Variants in KCNQ1OT1 observed in about 807,000 individuals in gnomAD.
KCNQ1OT1 encodes the protein KCNQ1 antisense RNA 2 (non-protein coding).
Position 2,658,307 on chromosome 11 carries a change from G to A in KCNQ1OT1, n.41688C>T, listed in dbSNP as rs1266958174. On this transcript the variant is annotated non_coding_transcript_exon_variant, in exon 1 of 1. Coordinates refer to ENST00000597346, the Ensembl canonical transcript of KCNQ1OT1. The surrounding 1 kb of genome is among the most constrained non-coding windows in gnomAD (Gnocchi z 4.9). ...TTTTTATTTGGAATTCCTTTATAAG[G>A]AAGATTTGTCCCTCTCCTCCAATTG... The A allele has an allele frequency of 2.5e-6, 1 of 398,330 alleles. No homozygotes were observed. Among genetic ancestry groups the A allele is most frequent in the Non-Finnish European group, 4.4e-6 (1 of 226,034 alleles). 24.7% of individuals were successfully genotyped at this position (398,330 alleles called of 1,614,324 possible). A position where few individuals can be genotyped will look rare whatever the true frequency, so the allele number is the denominator to read the frequency against.
chr11:2,616,958 G>C (rs1234328941), exon 1 of KCNQ1OT1: 2 of 353,432 alleles, frequency 5.7e-6, no homozygotes, highest in East Asian at 8.0e-5. Flanking sequence ...ACATTATCTT[G>C]TTGTGTTTTT....
chr11:2,625,984 T>A (rs1380899180), exon 1 of KCNQ1OT1: 1 of 398,544 alleles, frequency 2.5e-6, no homozygotes, highest in Non-Finnish European at 4.4e-6. Flanking sequence ...TCTCCCATTC[T>A]GTAGGTTGTC....
Position 2,610,716 on chromosome 11 carries a change from CTTTTTTTTT to C in KCNQ1OT1, n.89270_89278del, listed in dbSNP as rs1167505141. The C allele has an allele frequency of 4.5e-3, 1,036 of 230,054 alleles. 2 individuals are homozygous for C. The highest frequency in any genetic ancestry group is 0.015 in the East Asian group (250 of 16,570). 14.3% of individuals were successfully genotyped at this position (230,054 alleles called of 1,614,324 possible). A position where few individuals can be genotyped will look rare whatever the true frequency, so the allele number is the denominator to read the frequency against. On this transcript the variant is annotated non_coding_transcript_exon_variant, in exon 1 of 1. Coordinates refer to ENST00000597346, the Ensembl canonical transcript of KCNQ1OT1. ...TTCTGGACACAGTATTCTTGGTTGG[CTTTTTTTTT>C]TTTTTTTTTTTTTTTTTTTTACTTT... is the stretch of plus-strand genomic sequence containing the variant.
chr11:2,624,817 A>G lies in KCNQ1OT1; in HGVS notation n.75178T>C. ...CTGATTTGACTATTCTACATACCTCATATAAGTGGAAACATACAGTACTTC... is the reference window on the plus strand; with the variant it reads ...CTGATTTGACTATTCTACATACCTCGTATAAGTGGAAACATACAGTACTTC... On this transcript the variant is annotated non_coding_transcript_exon_variant, in exon 1 of 1. Coordinates refer to ENST00000597346, the Ensembl canonical transcript of KCNQ1OT1. The surrounding 1 kb of genome is among the most constrained non-coding windows in gnomAD (Gnocchi z 4.9). 2.5e-6 allele frequency: 1 copy of G among 398,552 alleles called. No homozygotes were observed. The highest frequency in any genetic ancestry group is 4.4e-6 in the Non-Finnish European group (1 of 226,030). The allele number at this position is 398,552 out of a possible 1,614,324, so 24.7% of individuals were successfully genotyped here.
Position 2,658,081 on chromosome 11 carries a change from G to T in KCNQ1OT1, n.41914C>A, listed in dbSNP as rs560023508. ...CACACTCAAGGTGGGGAAGGGAGGG[G>T]TTCAACTCTACCTCCTGCAGGAGAG... On this transcript the variant is annotated non_coding_transcript_exon_variant, in exon 1 of 1. Transcript: ENST00000597346. The surrounding 1 kb of genome is among the most constrained non-coding windows in gnomAD (Gnocchi z 4.9). 95 of 398,524 alleles carry T rather than the reference G, an allele frequency of 2.4e-4. No individual in the cohort carries two copies. The South Asian group carries it at 7.6e-3, about 32-fold the overall frequency. The allele number at this position is 398,524 out of a possible 1,614,324, so 24.7% of individuals were successfully genotyped here.
chr11:2,677,593 C>T lies in KCNQ1OT1; in HGVS notation n.22402G>A, dbSNP rs1850315840. The stretch of plus-strand genomic sequence containing the variant: ...TGCTTTACAAAAGACAAACCAAAAT[C>T]CCCTCTGGATTTGTTTTTTTCTAAA... On this transcript the variant is annotated non_coding_transcript_exon_variant, in exon 1 of 1. Coordinates refer to ENST00000597346, the Ensembl canonical transcript of KCNQ1OT1. The surrounding 1 kb of genome is among the most constrained non-coding windows in gnomAD (Gnocchi z 4.5). The T allele has an allele frequency of 2.5e-6, 1 of 398,568 alleles. No individual in the cohort carries two copies. The highest frequency in any genetic ancestry group is 4.4e-6 in the Non-Finnish European group (1 of 226,058). The allele number at this position is 398,568 out of a possible 1,614,324, so 24.7% of individuals were successfully genotyped here.
At chr11:2,660,667 T>C (rs1408074083) in exon 1 of KCNQ1OT1, 5 of 398,546 alleles carry the variant, frequency 1.3e-5, no homozygotes, top group Non-Finnish European at 2.2e-5. Context: ...TCAGTTTTCA[T>C]CCATGCTTGA....
chr11:2,609,494 A>G lies in KCNQ1OT1; in HGVS notation n.90501T>C, dbSNP rs566148304. ...TGCACTTGAAAATACTGTATATTCAATGTTGGTTGTTGGGCGAAGTGCTCT... is the reference window on the plus strand; with the variant it reads ...TGCACTTGAAAATACTGTATATTCAGTGTTGGTTGTTGGGCGAAGTGCTCT... On this transcript the variant is annotated non_coding_transcript_exon_variant, in exon 1 of 1. Transcript: ENST00000597346. 4.3e-4 allele frequency: 173 copies of G among 398,220 alleles called. No homozygotes were observed. Among genetic ancestry groups the G allele is most frequent in the Admixed American group, 6.6e-4 (15 of 22,718 alleles). The allele number at this position is 398,220 out of a possible 1,614,324, so 24.7% of individuals were successfully genotyped here.
In KCNQ1OT1 at chr11:2,677,846, C is replaced by G; in HGVS notation, n.22149G>C. The G allele has an allele frequency of 2.5e-6, 1 of 398,490 alleles. No homozygotes were observed. Among genetic ancestry groups the G allele is most frequent in the Non-Finnish European group, 4.4e-6 (1 of 226,028 alleles). The allele number at this position is 398,490 out of a possible 1,614,324, so 24.7% of individuals were successfully genotyped here. A position where few individuals can be genotyped will look rare whatever the true frequency, so the allele number is the denominator to read the frequency against. ...TAGATACTGCCAAATAAGGGCTGTACCATTTACATCACTTTGACTGCACAA... is the reference window on the plus strand; with the variant it reads ...TAGATACTGCCAAATAAGGGCTGTAGCATTTACATCACTTTGACTGCACAA... On this transcript the variant is annotated non_coding_transcript_exon_variant, in exon 1 of 1. Transcript: ENST00000597346. This position sits in a 1 kb window ranked among gnomAD's most constrained non-coding sequence, Gnocchi z 4.5.
At position 2,660,389 on chromosome 11, in the gene KCNQ1OT1, T is replaced by A. The variant is rs1047841136; in HGVS notation, n.39606A>T. Reference sequence around the variant, plus strand: ...TTACGCTGATGTGGGAAAACCTTCCTTTTTTATAAAGCAAAAGATGTATCA... The same window carrying A: ...TTACGCTGATGTGGGAAAACCTTCCATTTTTATAAAGCAAAAGATGTATCA... On this transcript the variant is annotated non_coding_transcript_exon_variant, in exon 1 of 1. Coordinates refer to ENST00000597346, the Ensembl canonical transcript of KCNQ1OT1. The A allele has an allele frequency of 3.3e-3, 1,299 of 398,574 alleles. 2 individuals carry two copies. Among genetic ancestry groups the A allele is most frequent in the Non-Finnish European group, 4.9e-3 (1,105 of 226,040 alleles). The allele number at this position is 398,574 out of a possible 1,614,324, so 24.7% of individuals were successfully genotyped here. A position where few individuals can be genotyped will look rare whatever the true frequency, so the allele number is the denominator to read the frequency against.
chr11:2,694,042 A>C, exon 1 of KCNQ1OT1: 1 of 398,718 alleles, frequency 2.5e-6, no homozygotes, highest in South Asian at 1.3e-4. Flanking sequence ...CCCATGCCAT[A>C]GATGGCTGAG....
exon 1 of KCNQ1OT1, chr11:2,640,942 C>T (rs1564842313): frequency 2.5e-6 from 1 of 398,898 alleles, no homozygotes; most frequent in African/African-American, 2.1e-5. Context: ...CTTTCTGTGC[C>T]TGGCTTAAAA....
rs1167505141 is a variant in KCNQ1OT1, at chr11:2,610,716, C to CTTTTTT, written n.89273_89278dup. The CTTTTTT allele has an allele frequency of 7.8e-4, 180 of 230,098 alleles. 2 individuals are homozygous for CTTTTTT. The highest frequency in any genetic ancestry group is 1.6e-3 in the African/African-American group (34 of 21,570). The allele number at this position is 230,098 out of a possible 1,614,324, so 14.3% of individuals were successfully genotyped here. On this transcript the variant is annotated non_coding_transcript_exon_variant, in exon 1 of 1. Transcript: ENST00000597346. ...TTCTGGACACAGTATTCTTGGTTGG[C>CTTTTTT]TTTTTTTTTTTTTTTTTTTTTTTTT...
exon 1 of KCNQ1OT1, chr11:2,632,313 C>T (rs1849372453): frequency 2.5e-6 from 1 of 397,864 alleles, no homozygotes; most frequent in South Asian, 1.3e-4. Context: ...ATGATCATAT[C>T]TATGAACAAA....
chr11:2,616,960 T>G lies in KCNQ1OT1; in HGVS notation n.83035A>C, dbSNP rs1020602324. On this transcript the variant is annotated non_coding_transcript_exon_variant, in exon 1 of 1. Coordinates refer to ENST00000597346, the Ensembl canonical transcript of KCNQ1OT1. ...TCTGTCTGGCTGTACATTATCTTGT[T>G]GTGTTTTTTTTTTTTAATTTTAAAA... The G allele has an allele frequency of 1.7e-4, 60 of 350,410 alleles. 1 individual carries two copies. The highest frequency in any genetic ancestry group is 1.0e-3 in the African/African-American group (37 of 36,812). The allele number at this position is 350,410 out of a possible 1,614,324, so 21.7% of individuals were successfully genotyped here.
In KCNQ1OT1 at chr11:2,620,334, A is replaced by C. The variant is rs574212659; in HGVS notation, n.79661T>G. The stretch of plus-strand genomic sequence containing the variant: ...CGGGTTCAAGTGATTCTCCTGCCTC[A>C]GCCTCCTGAGTAGCTGGGATTAGAG... On this transcript the variant is annotated non_coding_transcript_exon_variant, in exon 1 of 1. Coordinates refer to ENST00000597346, the Ensembl canonical transcript of KCNQ1OT1. This position sits in a 1 kb window ranked among gnomAD's most constrained non-coding sequence, Gnocchi z 4.5. The C allele has an allele frequency of 2.5e-5, 5 of 201,360 alleles. No homozygotes were observed. The South Asian group carries it at 9.5e-4, about 38-fold the overall frequency. The allele number at this position is 201,360 out of a possible 1,614,324, so 12.5% of individuals were successfully genotyped here. A position where few individuals can be genotyped will look rare whatever the true frequency, so the allele number is the denominator to read the frequency against.
exon 1 of KCNQ1OT1, chr11:2,667,165 C>CT (rs1292868626): frequency 7.5e-6 from 3 of 398,686 alleles, no homozygotes; most frequent in Non-Finnish European, 4.4e-6. Flanking sequence ...CTCAATCTGG[C>CT]TTCCAGCCTG....
rs28730758 is a variant in KCNQ1OT1, at chr11:2,661,947, C to T, written n.38048G>A. On this transcript the variant is annotated non_coding_transcript_exon_variant, in exon 1 of 1. Transcript: ENST00000597346. The surrounding 1 kb of genome is among the most constrained non-coding windows in gnomAD (Gnocchi z 5.9). The stretch of plus-strand genomic sequence containing the variant: ...TGGGAGGCCTAACGTGCTGTCCCCA[C>T]ACTTTCTCCTCAGTAAGGAAGAGCC... 23,294 of 1,614,106 alleles carry T rather than the reference C, an allele frequency of 0.014. 206 individuals carry two copies. Among genetic ancestry groups the T allele is most frequent in the East Asian group, 0.038 (1,708 of 44,868 alleles).
exon 1 of KCNQ1OT1, chr11:2,619,719 T>TA: frequency 2.5e-6 from 1 of 398,428 alleles, no homozygotes; most frequent in South Asian, 1.3e-4. Context: ...TGCATTTTTT[T>TA]TTTTTTGGAA....
Sources: allele counts gnomAD v4.1 joint callset, GRCh38; gene constraint gnomAD v4.1.1; non-coding constraint Gnocchi (gnomAD v3.1); transcripts MANE v1.5; gene names NCBI Gene and HGNC (gene_info 2026-07-23, HGNC 2026-07-21).